The following IQCM variants were observed in gnomAD, a reference collection of about 807,000 sequenced individuals.
The protein encoded by IQCM is IQ domain-containing protein M.
Under a neutral mutation model 57.6 loss-of-function variants are expected in IQCM, and 45 were observed. The observed-to-expected ratio is 0.78, with a 90% CI of 0.62 to 1.00. The LOEUF (loss-of-function observed/expected upper bound fraction) is 1.00, where lower values mean the gene tolerates loss of function less well. IQCM is among the 50% of genes least tolerant of loss of function. The pLI is 0.00. For missense variants in IQCM, 468 were observed against 511.6 expected (o/e 0.91, Z 0.82); for synonymous variants, 148 against 158.9 (o/e 0.93, Z 0.51).
chr4:149,483,864 G>C (rs1201436241), intron 12 of IQCM, among the ~76,000 whole-genome samples: 1 of 151,868 alleles, frequency 6.6e-6, no homozygotes, highest in Non-Finnish European at 1.5e-5. Context: ...GCTGAATCTG[G>C]GGTGTTGAGG....
At chr4:149,539,387 G>T (rs140980265) in intron 12 of IQCM, among the ~76,000 whole-genome samples, 33 of 152,110 alleles carry the variant, frequency 2.2e-4, no homozygotes, top group Non-Finnish European at 4.1e-4. Flanking sequence ...GGGGCTGGGG[G>T]TAAGAGTAGG....
chr4:149,518,576 T>C (rs548933943), intron 12 of IQCM, among the ~76,000 whole-genome samples: 15 of 152,256 alleles, frequency 9.9e-5, no homozygotes, highest in Middle Eastern at 3.4e-3. Context: ...ATGGGTCATA[T>C]AAAGTACTAG....
At chr4:149,582,520 T>G (rs1396520604) in intron 9 of IQCM, among the ~76,000 whole-genome samples, 1 of 150,746 alleles carries the variant, frequency 6.6e-6, no homozygotes, top group Non-Finnish European at 1.5e-5. Context: ...TCCTTTGAAT[T>G]AAATAGGATG....
chr4:149,692,998 G>A (rs1416063981), intron 5 of IQCM, among the ~76,000 whole-genome samples: 2 of 152,112 alleles, frequency 1.3e-5, no homozygotes, highest in African/African-American at 2.4e-5. Context: ...TTAGGTATGA[G>A]CTGACAGGCA....
intron 2 of IQCM, among the ~76,000 whole-genome samples, chr4:149,770,648 A>T (rs1033017190): frequency 8.5e-5 from 13 of 152,104 alleles, no homozygotes; most frequent in Admixed American, 7.9e-4. Flanking sequence ...AATTCACCAT[A>T]TTAACAAACT....
At chr4:149,425,463 G>A (rs1734399322) in intron 13 of IQCM, among the ~76,000 whole-genome samples, 1 of 151,920 alleles carries the variant, frequency 6.6e-6, no homozygotes, top group Non-Finnish European at 1.5e-5. Context: ...GGATCTTGGG[G>A]GTTGATGGTG....
At chr4:149,540,880 C>T (rs2149876224) in intron 12 of IQCM, among the ~76,000 whole-genome samples, 1 of 152,068 alleles carries the variant, frequency 6.6e-6, no homozygotes, top group South Asian at 2.1e-4. Flanking sequence ...AAATGTGTTA[C>T]AATAAGGATG....
At chr4:149,599,647 G>A (rs1754090062) in intron 8 of IQCM, among the ~76,000 whole-genome samples, 3 of 151,888 alleles carry the variant, frequency 2.0e-5, no homozygotes. Flanking sequence ...AGCTTAAATT[G>A]AGCATATCAC....
intron 9 of IQCM, among the ~76,000 whole-genome samples, chr4:149,581,164 G>C (rs1409153016): frequency 6.6e-6 from 1 of 151,576 alleles, no homozygotes; most frequent in African/African-American, 2.4e-5. Flanking sequence ...GGCAGGTGGA[G>C]GGGTTACTGA....
intron 12 of IQCM, among the ~76,000 whole-genome samples, chr4:149,500,817 T>C (rs1743163280): frequency 6.6e-6 from 1 of 152,156 alleles, no homozygotes; most frequent in African/African-American, 2.4e-5. Flanking sequence ...AATAGATGAA[T>C]AGCCCAGACA....
intron 8 of IQCM, among the ~76,000 whole-genome samples, chr4:149,594,200 C>T (rs768181116): frequency 2.2e-4 from 34 of 152,080 alleles, no homozygotes; most frequent in Admixed American, 6.6e-4. Flanking sequence ...GTGTATGTGT[C>T]GAGGAATTTA....
At chr4:149,387,624 T>C (rs1372214623) in intron 13 of IQCM, among the ~76,000 whole-genome samples, 2 of 152,068 alleles carry the variant, frequency 1.3e-5, no homozygotes, top group Non-Finnish European at 2.9e-5. Flanking sequence ...AGCTGCATTA[T>C]TTTTAATTAT....
At chr4:149,506,927 T>C (rs924331149) in intron 12 of IQCM, among the ~76,000 whole-genome samples, 14 of 152,194 alleles carry the variant, frequency 9.2e-5, no homozygotes, top group African/African-American at 3.4e-4. Flanking sequence ...ACTACCCAGC[T>C]GATAAGGTTG....
At chr4:149,370,557 ACACT>A (rs1375765421) in intron 13 of IQCM, among the ~76,000 whole-genome samples, 1 of 146,052 alleles carries the variant, frequency 6.8e-6, no homozygotes, top group Non-Finnish European at 1.5e-5. Flanking sequence ...CACACTATAC[ACACT>A]CTATACACAC....
At chr4:149,430,928 A>G (rs1186930547) in intron 13 of IQCM, among the ~76,000 whole-genome samples, 1 of 151,660 alleles carries the variant, frequency 6.6e-6, no homozygotes, top group Non-Finnish European at 1.5e-5. Flanking sequence ...GACCAGGCGC[A>G]GTAGCTCATG....
chr4:149,557,403 T>G (rs953382848), intron 10 of IQCM, among the ~76,000 whole-genome samples: 1 of 152,188 alleles, frequency 6.6e-6, no homozygotes, highest in Non-Finnish European at 1.5e-5. Flanking sequence ...TCTCCATGCC[T>G]CATTTTTCAT....
intron 2 of IQCM, among the ~76,000 whole-genome samples, chr4:149,750,925 A>T (rs1768378967): frequency 6.6e-6 from 1 of 152,200 alleles, no homozygotes; most frequent in Admixed American, 6.5e-5. Context: ...AAAATCTAGA[A>T]ATTTGAGCAA....
chr4:149,481,134 ACCTTCT>A lies in IQCM; in HGVS notation c.1229-47583_1229-47578del, dbSNP rs1740731037. Among the ~76,000 whole-genome samples, 11 of 152,022 alleles carry A rather than the reference ACCTTCT, an allele frequency of 7.2e-5. No homozygotes were observed. In the South Asian group the frequency reaches 2.3e-3, roughly 32 times the overall value. On this transcript the variant is annotated intron_variant, in intron 12 of 13. Transcript: ENST00000636793. ...TTTTTTCCTAGACAGTTGTTTGAAC[ACCTTCT>A]ATATTTTGGTTATTAATCCCTTGTC...
intron 2 of IQCM, among the ~76,000 whole-genome samples, chr4:149,781,686 G>C (rs1239052762): frequency 2.6e-5 from 4 of 152,178 alleles, no homozygotes; most frequent in Non-Finnish European, 5.9e-5. Flanking sequence ...ACTCTCTGCA[G>C]TTTCAGACAT....
Sources: gnomAD v4.1 joint callset for allele counts (sites outside exome capture counted in the v4.1 genomes callset) on GRCh38, gnomAD v4.1.1 for gene constraint, MANE v1.5 for transcripts, NCBI Gene and HGNC (gene_info 2026-07-23, HGNC 2026-07-21) for gene names.